Variants in SUMF1 observed in about 807,000 individuals in gnomAD.
SUMF1 encodes formylglycine-generating enzyme.
Under a neutral mutation model 47.6 loss-of-function variants are expected in SUMF1, and 48 were observed. That is an observed-to-expected ratio of 1.01 (90% confidence interval 0.80 to 1.28). SUMF1 has a LOEUF of 1.28. Ranked by LOEUF, SUMF1 falls within the 50% of genes most tolerant of loss-of-function variation. SUMF1 has a pLI of 0.00. For missense variants in SUMF1, 571 were observed against 485.4 expected, an observed-to-expected ratio of 1.18 and a Z score of -1.66; for synonymous variants, 230 against 192.1, an observed-to-expected ratio of 1.20 and a Z score of -1.63.
chr3:4,401,751 C>T (rs1192372541), intron 7 of SUMF1, among the ~76,000 whole-genome samples: 2 of 152,230 alleles, frequency 1.3e-5, no homozygotes, highest in Admixed American at 1.3e-4. Flanking sequence ...CAAATAACCA[C>T]ACTAGCAAAC....
At chr3:4,278,919 A>G (rs2125043839) in intron 8 of SUMF1, among the ~76,000 whole-genome samples, 1 of 152,268 alleles carries the variant, frequency 6.6e-6, no homozygotes, top group African/African-American at 2.4e-5. Context: ...CAAATGATTG[A>G]GGATACCAGA....
chr3:4,357,738 G>C (rs1366277570), downstream of SUMF1, among the ~76,000 whole-genome samples: 2 of 151,780 alleles, frequency 1.3e-5, no homozygotes, highest in African/African-American at 4.8e-5. Flanking sequence ...CCTCCAAGTA[G>C]CTGGGATTAC....
rs317533 is a variant in SUMF1 at position 4,057,825 on chromosome 3, G to T, written c.1191+10744C>A. On this transcript the variant is annotated intron_variant and NMD_transcript_variant, in intron 9 of 12. Transcript: ENST00000448413. Reference sequence around the variant, plus strand: ...TTATTTTTAACAACATAAACACAGAGGTTCCAAGAAGTTAACTTGTCTCAA... The same window carrying T: ...TTATTTTTAACAACATAAACACAGATGTTCCAAGAAGTTAACTTGTCTCAA... 4.5e-3 allele frequency among the ~76,000 whole-genome samples: 678 copies of T among 152,124 alleles called. 6 individuals are homozygous for T. The highest frequency in any genetic ancestry group is 0.015 in the African/African-American group (617 of 41,468).
chr3:4,357,383 A>G (rs1699643404), downstream of SUMF1, among the ~76,000 whole-genome samples: 1 of 151,412 alleles, frequency 6.6e-6, no homozygotes, highest in South Asian at 2.1e-4. Context: ...CAGCTTGAAT[A>G]CTGAGGACAA....
chr3:4,151,607 G>C (rs1694337607), intron 8 of SUMF1, among the ~76,000 whole-genome samples: 1 of 145,782 alleles, frequency 6.9e-6, no homozygotes, highest in Non-Finnish European at 1.5e-5. Context: ...ATATAGAGCA[G>C]AGGTGTCGAA....
chr3:4,196,269 T>C (rs1369819476), intron 8 of SUMF1, among the ~76,000 whole-genome samples: 2 of 152,094 alleles, frequency 1.3e-5, no homozygotes, highest in East Asian at 3.9e-4. Flanking sequence ...CTCAGCTTAA[T>C]GAAGGAAGAA....
At chr3:4,340,031 T>G (rs2125138918) in intron 8 of SUMF1, among the ~76,000 whole-genome samples, 1 of 152,080 alleles carries the variant, frequency 6.6e-6, no homozygotes, top group Non-Finnish European at 1.5e-5. Context: ...TGAGCCAAGA[T>G]CGCACCACTG....
intron 8 of SUMF1, among the ~76,000 whole-genome samples, chr3:4,323,190 A>G (rs1444835544): frequency 2.6e-5 from 4 of 152,220 alleles, no homozygotes; most frequent in African/African-American, 9.7e-5. Context: ...TCATAATATT[A>G]TTTGGCCATT....
intron 8 of SUMF1, among the ~76,000 whole-genome samples, chr3:4,184,005 C>T (rs1201828255): frequency 6.6e-6 from 1 of 151,864 alleles, no homozygotes; most frequent in Non-Finnish European, 1.5e-5. Flanking sequence ...CATTGTGGCA[C>T]ATGCCTGCAG....
Position 4,079,824 on chromosome 3 carries a change from C to A in SUMF1, c.1015-11079G>T, listed in dbSNP as rs546142014. ...TATGCCATTTCTGATCTAGTCCTAT[C>A]TTTTAAACCTACAGATGGAGAAGCT... On this transcript the variant is annotated intron_variant and NMD_transcript_variant, in intron 8 of 12. Transcript: ENST00000448413. Among the ~76,000 whole-genome samples, 53 of 151,388 alleles carry A rather than the reference C, an allele frequency of 3.5e-4. No homozygotes were observed. The South Asian group carries it at 0.011, about 30-fold the overall frequency.
chr3:4,257,716 C>T (rs1296702206), intron 8 of SUMF1, among the ~76,000 whole-genome samples: 19 of 151,552 alleles, frequency 1.3e-4, no homozygotes, highest in African/African-American at 4.6e-4. Flanking sequence ...AATGCCATCC[C>T]CATCAAGCTA....
intron 8 of SUMF1, among the ~76,000 whole-genome samples, chr3:4,126,939 G>T (rs894785602): frequency 2.0e-5 from 3 of 152,098 alleles, no homozygotes; most frequent in Non-Finnish European, 4.4e-5. Context: ...TTAAAAGAGG[G>T]TAAATGATTC....
chr3:4,070,432 C>T (rs1036972252), intron 8 of SUMF1, among the ~76,000 whole-genome samples: 3 of 152,090 alleles, frequency 2.0e-5, no homozygotes, highest in African/African-American at 7.2e-5. Context: ...TCTCTTTGAA[C>T]CAGAAATTGC....
chr3:4,287,732 A>C (rs1169580076), intron 8 of SUMF1, among the ~76,000 whole-genome samples: 1 of 152,202 alleles, frequency 6.6e-6, no homozygotes, highest in African/African-American at 2.4e-5. Flanking sequence ...TGGAGTCCCA[A>C]GGTGCCTCAG....
At chr3:4,158,380 T>A (rs1314306472) in intron 8 of SUMF1, among the ~76,000 whole-genome samples, 8 of 151,564 alleles carry the variant, frequency 5.3e-5, no homozygotes, top group Non-Finnish European at 1.2e-4. Flanking sequence ...ACGTGGTCTA[T>A]CCCGAGAATG....
intron 8 of SUMF1, among the ~76,000 whole-genome samples, chr3:4,204,732 ATTCT>A (rs1158654248): frequency 6.6e-6 from 1 of 151,568 alleles, no homozygotes; most frequent in Non-Finnish European, 1.5e-5. Flanking sequence ...AAGCTCATTA[ATTCT>A]TTCTTCCGCT....
At chr3:4,208,371 T>C (rs999425547) in intron 8 of SUMF1, among the ~76,000 whole-genome samples, 6 of 151,584 alleles carry the variant, frequency 4.0e-5, no homozygotes, top group African/African-American at 1.5e-4. Flanking sequence ...CCTATAAAAC[T>C]TACCGCTACT....
chr3:4,219,773 A>G (rs1357955006), intron 8 of SUMF1, among the ~76,000 whole-genome samples: 1 of 152,128 alleles, frequency 6.6e-6, no homozygotes, highest in Non-Finnish European at 1.5e-5. Context: ...ATCATCCCAA[A>G]TCCATGGAAT....
chr3:4,313,215 T>C lies in SUMF1; in HGVS notation c.1014+63115A>G, dbSNP rs770355831. On this transcript the variant is annotated intron_variant and NMD_transcript_variant, in intron 8 of 12. Coordinates refer to the SUMF1 transcript ENST00000448413. ...GCTGGGGACTTCGTACCTTGGAATT[T>C]ATACCGAAAGGAAGGTTTGTCTGTG... 8.7e-6 allele frequency: 14 copies of C among 1,613,952 alleles called. No individual in the cohort carries two copies. The South Asian group carries it at 1.4e-4, about 16-fold the overall frequency.
Sources: gnomAD v4.1 joint callset for allele counts (sites outside exome capture counted in the v4.1 genomes callset) on GRCh38, gnomAD v4.1.1 for gene constraint, MANE v1.5 for transcripts, NCBI Gene and HGNC (gene_info 2026-07-23, HGNC 2026-07-21) for gene names.